The following TMTC4 variants were observed in gnomAD, a reference collection of about 807,000 sequenced individuals.
TMTC4 encodes transmembrane O-mannosyltransferase targeting cadherins 4.
TMTC4 carries 65 observed loss-of-function variants against 86.0 expected under a neutral mutation model. The ratio of observed to expected loss-of-function variants is 0.76; its 90% CI spans 0.62 to 0.93. TMTC4 has a LOEUF of 0.93. Among genes scored for constraint, TMTC4 ranks in the 40% least tolerant of loss-of-function variants. The pLI is 0.00. For synonymous variants in TMTC4, 379 were observed against 382.5 expected (o/e 0.99, Z 0.11); for missense variants, 866 against 948.1 (o/e 0.91, Z 1.14).
intron 6 of TMTC4, among the ~76,000 whole-genome samples, chr13:100,646,980 C>A (rs1218890218): frequency 6.6e-6 from 1 of 152,130 alleles, no homozygotes; most frequent in Non-Finnish European, 1.5e-5. Flanking sequence ...TTGATGAATT[C>A]TTTTAGGCTA....
rs377569686 is a variant in TMTC4, at chr13:100,635,168, G to A, written c.1230C>T (p.Leu410=). The A allele has an allele frequency of 1.9e-6, 3 of 1,610,542 alleles. No homozygotes were observed. The highest frequency in any genetic ancestry group is 1.1e-5 in the South Asian group (1 of 90,412). The change falls in exon 11 of 19, where the codon CTC becomes CTT. Residue 410 remains leucine (L), a synonymous_variant. Transcript: ENST00000342624. ...TACTCGCGGGGAGAAATGGGATAAC[G>A]AGAAATCCCAGGCCCAGAGTAAGGA... The part of the protein sequence containing the change: ...RRILTLGLGF[L]VIPFLPASNL...
At chr13:100,665,813 A>T (rs1886325529) in intron 3 of TMTC4, among the ~76,000 whole-genome samples, 1 of 152,360 alleles carries the variant, frequency 6.6e-6, no homozygotes, top group African/African-American at 2.4e-5. Context: ...CTGGTCACTG[A>T]TGTCCACTGT....
intron 5 of TMTC4, among the ~76,000 whole-genome samples, chr13:100,661,300 A>C (rs893911636): frequency 2.0e-5 from 3 of 151,938 alleles, no homozygotes; most frequent in East Asian, 1.9e-4. Flanking sequence ...TGTGCGTGTG[A>C]GTGTGTACGT....
At chr13:100,609,047 G>A (rs1032666973) in intron 17 of TMTC4, among the ~76,000 whole-genome samples, 1 of 152,146 alleles carries the variant, frequency 6.6e-6, no homozygotes, top group Admixed American at 6.5e-5. Context: ...AGAATAGGAA[G>A]GGTAACATGG....
chr13:100,627,021 G>A (rs899933792), intron 12 of TMTC4, among the ~76,000 whole-genome samples: 8 of 152,290 alleles, frequency 5.3e-5, no homozygotes, highest in South Asian at 2.1e-4. Flanking sequence ...GTGAGAAGAC[G>A]ACCGTCTGTG....
intron 15 of TMTC4, chr13:100,614,973 G>A: frequency 1.0e-6 from 1 of 984,106 alleles, no homozygotes; most frequent in Non-Finnish European, 1.2e-6. Context: ...TGTGTCTAAA[G>A]TAAATATAAA....
chr13:100,604,090 G>A lies in TMTC4; in HGVS notation c.*904C>T, dbSNP rs538970790. 46 of 152,670 alleles carry A rather than the reference G, an allele frequency of 3.0e-4. No individual in the cohort carries two copies. Among genetic ancestry groups the A allele is most frequent in the African/African-American group, 8.7e-4 (36 of 41,548 alleles). 9.5% of individuals were successfully genotyped at this position (152,670 alleles called of 1,614,324 possible). A position where few individuals can be genotyped will look rare whatever the true frequency, so the allele number is the denominator to read the frequency against. On this transcript the variant is annotated 3_prime_UTR_variant, in exon 19 of 19. Coordinates refer to ENST00000342624, the MANE Select transcript of TMTC4 (RefSeq NM_032813.5). ...TTCTTAAAAATACCACGAATTCCCCGAATGTGGCTCCATTTGATAGAAAAT... is the reference window on the plus strand; with the variant it reads ...TTCTTAAAAATACCACGAATTCCCCAAATGTGGCTCCATTTGATAGAAAAT...
rs1161138668 is a variant in TMTC4 at position 100,662,669 on chromosome 13, A to C, written c.552+295T>G. Reference sequence around the variant, plus strand: ...GCTGGTGTTATGCTAGAAGCTAAACAGAAAGTGTCACCAGAGATCACACCA... The same window carrying C: ...GCTGGTGTTATGCTAGAAGCTAAACCGAAAGTGTCACCAGAGATCACACCA... On this transcript the variant is annotated intron_variant, in intron 5 of 18. Transcript: ENST00000342624. 2.0e-5 allele frequency among the ~76,000 whole-genome samples: 3 copies of C among 152,192 alleles called. No homozygotes were observed. The East Asian group carries it at 5.8e-4, about 29-fold the overall frequency.
intron 13 of TMTC4, 89 bp downstream of exon 13, chr13:100,625,982 G>T: frequency 1.3e-6 from 2 of 1,594,952 alleles, no homozygotes; most frequent in Non-Finnish European, 1.7e-6. Flanking sequence ...ATATTGTAAA[G>T]TTGGGGTCTT....
chr13:100,664,515 G>C (rs552290714), intron 3 of TMTC4, among the ~76,000 whole-genome samples, 179 bp from the exon 4 acceptor site: 2 of 152,098 alleles, frequency 1.3e-5, no homozygotes, highest in African/African-American at 2.4e-5. Flanking sequence ...TTCAAACACC[G>C]ATCAGCTTTC....
upstream of TMTC4, chr13:100,674,862 C>T (rs1452571734): frequency 3.1e-6 from 3 of 977,524 alleles, no homozygotes; most frequent in Non-Finnish European, 3.6e-6. Flanking sequence ...CCGACCCCCC[C>T]CGCGCCGCGC....
At chr13:100,618,904 C>T (rs1039389463) in intron 15 of TMTC4, among the ~76,000 whole-genome samples, 11 of 152,220 alleles carry the variant, frequency 7.2e-5, no homozygotes, top group East Asian at 1.9e-4. Flanking sequence ...TACACAGACA[C>T]GGCAACCATC....
chr13:100,606,525 C>T, intron 17 of TMTC4, 98 bp from the exon 18 acceptor site: 2 of 953,750 alleles, frequency 2.1e-6, no homozygotes, highest in Non-Finnish European at 3.2e-6. Flanking sequence ...TTTTAACCTC[C>T]TCCTTTTGTA....
At chr13:100,659,241 C>T (rs552449243) in intron 5 of TMTC4, among the ~76,000 whole-genome samples, 1 of 152,284 alleles carries the variant, frequency 6.6e-6, no homozygotes, top group East Asian at 1.9e-4. Flanking sequence ...GTTCATTAGA[C>T]AGACAGAACT....
intron 6 of TMTC4, among the ~76,000 whole-genome samples, chr13:100,651,910 GAGTT>G (rs1392665765): frequency 2.6e-5 from 4 of 152,148 alleles, no homozygotes; most frequent in African/African-American, 9.7e-5. Context: ...TACCACCGAA[GAGTT>G]AGTTTTTATT....
intron 15 of TMTC4, among the ~76,000 whole-genome samples, chr13:100,618,147 G>A (rs143469181): frequency 3.3e-5 from 5 of 152,148 alleles, no homozygotes; most frequent in African/African-American, 1.2e-4. Context: ...GAATGTGATT[G>A]GCATATAGAT....
chr13:100,655,863 G>GA (rs1453149973), intron 6 of TMTC4, among the ~76,000 whole-genome samples: 2 of 15,252 alleles, frequency 1.3e-4, no homozygotes, highest in Non-Finnish European at 5.4e-4. Flanking sequence ...TAGGGCCACT[G>GA]GGTCACCTTT....
intron 17 of TMTC4, 28 bp from the exon 18 acceptor site, chr13:100,606,455 G>A: frequency 6.3e-7 from 1 of 1,583,032 alleles, no homozygotes; most frequent in Admixed American, 1.7e-5. Flanking sequence ...TAAAAAGGAA[G>A]ATATTTATTG....
rs1886693528 is a variant in TMTC4, at chr13:100,668,678, C to G, written c.120G>C (p.Trp40Cys). The G allele has an allele frequency of 6.2e-7, 1 of 1,614,192 alleles. No individual in the cohort carries two copies. Among genetic ancestry groups the G allele is most frequent in the Non-Finnish European group, 8.5e-7 (1 of 1,180,040 alleles). ...CAACCGATCCCACTACTAACTTAGC[C>G]CAGAATGGAGGAAGAACAGAAGATG... ...ILPSSVLPPFWAKLVVGSVAI... is the reference protein window; with the variant it reads ...ILPSSVLPPFCAKLVVGSVAI... The change falls in exon 3 of 19, where the codon TGG becomes TGC. Residue 40 changes from tryptophan (W) to cysteine (C), a missense_variant. Physicochemically the swap from Trp to Cys is radical, Grantham distance 215. Coordinates refer to ENST00000342624, the MANE Select transcript of TMTC4 (RefSeq NM_032813.5).
Sources: gnomAD v4.1 joint callset for allele counts (sites outside exome capture counted in the v4.1 genomes callset) on GRCh38, gnomAD v4.1.1 for gene constraint, MANE v1.5 for transcripts, NCBI Gene and HGNC (gene_info 2026-07-23, HGNC 2026-07-21) for gene names.